PLCD4: variants seen among roughly 807,000 people sequenced by gnomAD.
PLCD4 encodes the protein phospholipase C delta 4, also known as 1-phosphatidylinositol 4,5-bisphosphate phosphodiesterase delta-4.
In PLCD4, 63 loss-of-function variants were observed where a neutral mutation model predicts 90.2. The ratio of observed to expected loss-of-function variants is 0.70; its 90% CI spans 0.57 to 0.86. PLCD4 has a LOEUF of 0.86. Ranked by LOEUF, PLCD4 falls within the 40% of genes least tolerant of loss-of-function variation. The pLI is 0.00. For missense variants in PLCD4, 830 were observed against 956.3 expected (o/e 0.87, Z 1.74); for synonymous variants, 294 against 356.5 (o/e 0.82, Z 1.97).
chr2:218,633,740 A>G lies in PLCD4; in HGVS notation c.1585A>G (p.Lys529Glu). ...ATCATCTTTCTCTGAAACCAAGGCC[A>G]AGCGCCTCATCAAGGAGGCTGGTCA... ...EISSFSETKA[K>E]RLIKEAGNEF... Residue 529 changes from lysine to glutamate, a missense_variant, in exon 11 of 16, where the codon AAG (lysine) becomes GAG (glutamate). Physicochemically the swap from Lys to Glu is moderately conservative, Grantham distance 56. Transcript: ENST00000450993. The G allele has an allele frequency of 1.2e-6, 2 of 1,613,980 alleles. No individual in the cohort carries two copies. The highest frequency in any genetic ancestry group is 1.7e-6 in the Non-Finnish European group (2 of 1,179,880).
intron 6 of PLCD4, among the ~76,000 whole-genome samples, chr2:218,627,748 G>C (rs1222736810): frequency 6.6e-6 from 1 of 152,126 alleles, no homozygotes; most frequent in African/African-American, 2.4e-5. Flanking sequence ...TCCTGACCTC[G>C]TGATCTGCCC....
At chr2:218,629,119 G>C (rs1156244906) in intron 7 of PLCD4, 1 of 158,880 alleles carries the variant, frequency 6.3e-6, no homozygotes, top group Non-Finnish European at 1.4e-5. Flanking sequence ...GGGAGGCTGA[G>C]GTGGGAGGAT....
chr2:218,623,840 G>A (rs544665221), intron 6 of PLCD4, among the ~76,000 whole-genome samples: 6 of 152,170 alleles, frequency 3.9e-5, no homozygotes, highest in East Asian at 1.9e-4. Context: ...GCGCCACCAC[G>A]CCCGGCTAAT....
rs1695562194 is a variant in PLCD4, at chr2:218,615,998, A to G, written c.117A>G (p.Arg39=). The G allele has an allele frequency of 6.8e-6, 11 of 1,613,934 alleles. No individual in the cohort carries two copies. In the African/African-American group the frequency reaches 8.0e-5, roughly 12 times the overall value. ...SKSWKKLRYF[R]LQNDGMTVWH... is the part of the protein sequence containing the mutation. ...GCTGGAAGAAGCTAAGATACTTCAG[A>G]CTTCAGAATGACGGCATGACAGTCT... The change falls in exon 3 of 16, where the codon AGA becomes AGG. Residue 39 remains arginine, a synonymous_variant. Coordinates refer to ENST00000450993, the MANE Select transcript of PLCD4 (RefSeq NM_032726.4).
rs755527604 is a variant in PLCD4, at chr2:218,628,025, C to A, written c.773-4C>A. 2.5e-6 allele frequency: 4 copies of A among 1,611,162 alleles called. No homozygotes were observed. The Admixed American group carries it at 6.7e-5, about 27-fold the overall frequency. ...CACCTAGTGTTCCCCTGTCCACACT[C>A]CAGGCAAACTGCGGCATGTGCTGAG... On this transcript the variant is annotated splice_region_variant and splice_polypyrimidine_tract_variant and intron_variant, in intron 6 of 15. Transcript: ENST00000450993.
intron 4 of PLCD4, 106 bp from the exon 5 acceptor site, chr2:218,621,360 GGAGA>G: frequency 7.7e-7 from 1 of 1,292,570 alleles, no homozygotes; most frequent in Non-Finnish European, 1.1e-6. Context: ...TTGGCACCGG[GGAGA>G]GAGACTGGCA....
Position 218,628,112 on chromosome 2 carries a change from C to T in PLCD4, c.856C>T (p.Leu286Phe), listed in dbSNP as rs1464831444. ...KDGDIFNPAC[L>F]PIYQDMTQPL... ...TGGAGACATCTTCAACCCAGCCTGC[C>T]TCCCCATCTATCAGGATATGACTCA... Residue 286 changes from leucine (L) to phenylalanine (F), a missense_variant, in exon 7 of 16, where the codon CTC becomes TTC. Leu to Phe is a conservative substitution (Grantham distance 22, BLOSUM62 0). Transcript: ENST00000450993. 4.3e-6 allele frequency: 7 copies of T among 1,613,898 alleles called. No individual in the cohort carries two copies. The highest frequency in any genetic ancestry group is 5.9e-6 in the Non-Finnish European group (7 of 1,179,874).
Position 218,621,612 on chromosome 2 carries a change from G to A in PLCD4, c.540+13G>A, listed in dbSNP as rs927200236. ...CAGTCTTTTTCAGGTGAGTCTGTGGGGAAGGATTTCCAGCGGCCAACCAGG... is the reference window on the plus strand; with the variant it reads ...CAGTCTTTTTCAGGTGAGTCTGTGGAGAAGGATTTCCAGCGGCCAACCAGG... On this transcript the variant is annotated intron_variant, in intron 5 of 15. Transcript: ENST00000450993. The A allele has an allele frequency of 6.2e-7, 1 of 1,613,288 alleles. No homozygotes were observed. Among genetic ancestry groups the A allele is most frequent in the African/African-American group, 1.3e-5 (1 of 74,912 alleles).
intron 10 of PLCD4, 66 bp from the exon 11 acceptor site, chr2:218,633,539 G>A: frequency 6.5e-7 from 1 of 1,547,414 alleles, no homozygotes; most frequent in African/African-American, 1.4e-5. Flanking sequence ...AGGTTGGATG[G>A]CCATTATCTT....
intron 7 of PLCD4, 114 bp from the exon 8 acceptor site, chr2:218,629,405 G>A (rs1169036307): frequency 5.7e-6 from 7 of 1,238,346 alleles, no homozygotes; most frequent in Non-Finnish European, 5.6e-6. Flanking sequence ...GCTTGAAGGG[G>A]TCTGGATGGG....
At position 218,628,104 on chromosome 2, in the gene PLCD4, C is replaced by T. The variant is rs1575031254; in HGVS notation, c.848C>T (p.Pro283Leu). 1 of 1,613,990 alleles carries T rather than the reference C, an allele frequency of 6.2e-7. No individual in the cohort carries two copies. Among genetic ancestry groups the T allele is most frequent in the Non-Finnish European group, 8.5e-7 (1 of 1,179,856 alleles). Residue 283 changes from proline to leucine, a missense_variant, in exon 7 of 16, where the codon CCA (proline) becomes CTA (leucine). By Grantham distance (98) the Pro-to-Leu change is moderately conservative. Coordinates refer to ENST00000450993, the MANE Select transcript of PLCD4 (RefSeq NM_032726.4). ...TCTAAGGATGGAGACATCTTCAACC[C>T]AGCCTGCCTCCCCATCTATCAGGAT... ...LCSKDGDIFN[P>L]ACLPIYQDMT...
intron 4 of PLCD4, 90 bp downstream of exon 4, chr2:218,618,897 G>C (rs1695751711): frequency 7.7e-7 from 1 of 1,301,490 alleles, no homozygotes; most frequent in South Asian, 1.3e-5. Context: ...GGTGAGAAGG[G>C]GTGCAGGGCT....
At chr2:218,626,959 A>G (rs1460463254) in intron 6 of PLCD4, among the ~76,000 whole-genome samples, 1 of 152,166 alleles carries the variant, frequency 6.6e-6, no homozygotes, top group Non-Finnish European at 1.5e-5. Context: ...GCTATTTAAA[A>G]TTAAATTAAC....
At chr2:218,630,590 A>G in intron 8 of PLCD4, 60 bp from the exon 9 acceptor site, 1 of 1,605,768 alleles carries the variant, frequency 6.2e-7, no homozygotes. Context: ...CGGGTACTTG[A>G]AGAAGTAGGT....
chr2:218,631,160 G>A (rs2106155368), intron 9 of PLCD4, among the ~76,000 whole-genome samples: 1 of 152,004 alleles, frequency 6.6e-6, no homozygotes, highest in Admixed American at 6.6e-5. Flanking sequence ...AGCAGCTATC[G>A]ATAGATTTTT....
rs976592704 is a variant in PLCD4, at chr2:218,632,377, A to G, written c.1449+65A>G. ...ACTTATGCAAGCTGAAGGCCTGTTC[A>G]TGAAGACTAGAGCCGTGCAAGATGC... On this transcript the variant is annotated intron_variant, in intron 10 of 15. Transcript: ENST00000450993. The G allele has an allele frequency of 2.7e-6, 4 of 1,499,206 alleles. No homozygotes were observed. The African/African-American group carries it at 4.2e-5, about 16-fold the overall frequency. The allele number at this position is 1,499,206 out of a possible 1,614,324, so 92.9% of individuals were successfully genotyped here.
chr2:218,615,571 C>G, intron 1 of PLCD4, 136 bp from the exon 2 acceptor site: 1 of 629,088 alleles, frequency 1.6e-6, no homozygotes, highest in Non-Finnish European at 2.6e-6. Context: ...AAATTCTGAT[C>G]CTTATGTGAT....
Position 218,622,683 on chromosome 2 carries a change from G to C in PLCD4, c.577G>C (p.Glu193Gln), listed in dbSNP as rs200241287. Residue 193 changes from glutamate to glutamine, a missense_variant, in exon 6 of 16, where the codon GAA becomes CAA. Transcript: ENST00000450993. ...GTCCCAGTCTGGAACCCTGGAAGGAGAAGAATTCGTACAGTTCTATAAGGC... is the reference window on the plus strand; with the variant it reads ...GTCCCAGTCTGGAACCCTGGAAGGACAAGAATTCGTACAGTTCTATAAGGC... The part of the protein sequence containing the change: ...DTSQSGTLEG[E>Q]EFVQFYKALT... 1.9e-6 allele frequency: 3 copies of C among 1,613,992 alleles called. No individual in the cohort carries two copies. Among genetic ancestry groups the C allele is most frequent in the Middle Eastern group, 1.6e-4 (1 of 6,062 alleles).
chr2:218,636,773 C>T lies in PLCD4; in HGVS notation c.*196C>T. On this transcript the variant is annotated 3_prime_UTR_variant, in exon 16 of 16. Transcript: ENST00000450993. ...CACCTTTTTTCTCTTTTCTTCCCTTCCTTTGTTTTCATAAGCCTTTGGTAT... is the reference window on the plus strand; with the variant it reads ...CACCTTTTTTCTCTTTTCTTCCCTTTCTTTGTTTTCATAAGCCTTTGGTAT... 1 of 664,372 alleles carries T rather than the reference C, an allele frequency of 1.5e-6. No individual in the cohort carries two copies. Among genetic ancestry groups the T allele is most frequent in the Non-Finnish European group, 2.7e-6 (1 of 376,092 alleles). The allele number at this position is 664,372 out of a possible 1,614,324, so 41.2% of individuals were successfully genotyped here.
Sources: gnomAD v4.1 joint callset for allele counts (sites outside exome capture counted in the v4.1 genomes callset) on GRCh38, gnomAD v4.1.1 for gene constraint, MANE v1.5 for transcripts, NCBI Gene and HGNC (gene_info 2026-07-23, HGNC 2026-07-21) for gene names.